Variants in KAZN observed in about 807,000 individuals in gnomAD.
KAZN encodes the protein kazrin.
A neutral mutation model predicts 87.4 loss-of-function variants in KAZN; 40 were observed. That is an observed-to-expected ratio of 0.46 (90% CI 0.36 to 0.60). The LOEUF (loss-of-function observed/expected upper bound fraction) is 0.60. KAZN is among the 20% of genes least tolerant of loss of function. The pLI is 0.00. For synonymous variants in KAZN, 466 were observed against 458.3 expected, an observed-to-expected ratio of 1.02 and a Z score of -0.22; for missense variants, 898 against 1,073.9, an observed-to-expected ratio of 0.84 and a Z score of 2.29.
At chr1:14,908,336 T>G (rs1160234556) in intron 1 of KAZN, among the ~76,000 whole-genome samples, 1 of 148,294 alleles carries the variant, frequency 6.7e-6, no homozygotes, top group Non-Finnish European at 1.5e-5. Flanking sequence ...AGGTCAGGAG[T>G]TCAAGATGAG....
chr1:15,112,519 G>A lies in KAZN; in HGVS notation c.2141G>A (p.Gly714Asp). 6.2e-7 allele frequency: 1 copy of A among 1,607,244 alleles called. No individual in the cohort carries two copies. Among genetic ancestry groups the A allele is most frequent in the South Asian group, 1.1e-5 (1 of 89,090 alleles). Residue 714 changes from glycine (G) to aspartate (D), a missense_variant, in exon 14 of 15, where the codon GGT becomes GAT. Coordinates refer to ENST00000376030, the MANE Select transcript of KAZN (RefSeq NM_201628.3). ...TRAGKEENSS[G>D]LKYKAGRLPL... ...GCAGGAAAGGAGGAGAACAGCAGCG[G>A]TCTCAAGTACAAGGCTGGCCGGGTA...
chr1:14,236,780 C>T (rs1243514956), intron 2 of KAZN, among the ~76,000 whole-genome samples: 2 of 152,006 alleles, frequency 1.3e-5, no homozygotes, highest in East Asian at 1.9e-4. Flanking sequence ...ACAAAAGAGC[C>T]GGGTGTGGTG....
At chr1:13,919,057 A>G (rs777732933) in intron 1 of KAZN, among the ~76,000 whole-genome samples, 3 of 152,216 alleles carry the variant, frequency 2.0e-5, no homozygotes, top group Admixed American at 1.3e-4. Context: ...GGACCATAAA[A>G]CTTTGAAAAT....
At chr1:14,993,313 C>G (rs1031960726) in intron 2 of KAZN, among the ~76,000 whole-genome samples, 3 of 151,646 alleles carry the variant, frequency 2.0e-5, no homozygotes, top group East Asian at 4.0e-4. Context: ...ACCAAAAATA[C>G]AAAAAATTAG....
intron 2 of KAZN, among the ~76,000 whole-genome samples, chr1:14,547,491 A>G (rs1673229094): frequency 6.6e-6 from 1 of 152,212 alleles, no homozygotes; most frequent in African/African-American, 2.4e-5. Flanking sequence ...AAACTCCTTT[A>G]GACTGGAAAT....
chr1:15,072,347 AG>A (rs1213856518), intron 8 of KAZN, among the ~76,000 whole-genome samples: 3 of 152,240 alleles, frequency 2.0e-5, no homozygotes, highest in African/African-American at 7.2e-5. Context: ...TCCATCTGCC[AG>A]GGTCTGTGAA....
At chr1:14,852,100 G>A (rs928452348) in intron 1 of KAZN, among the ~76,000 whole-genome samples, 2 of 152,180 alleles carry the variant, frequency 1.3e-5, no homozygotes, top group East Asian at 1.9e-4. Context: ...GGAGGCAAAC[G>A]TAAAGTCTGG....
intron 1 of KAZN, among the ~76,000 whole-genome samples, chr1:13,989,861 C>T (rs1454957527): frequency 6.6e-6 from 1 of 152,188 alleles, no homozygotes; most frequent in Non-Finnish European, 1.5e-5. Flanking sequence ...ACTTTGTGGT[C>T]ATCTTGTCTT....
chr1:14,961,480 G>A (rs1488832999), intron 2 of KAZN, among the ~76,000 whole-genome samples: 1 of 152,196 alleles, frequency 6.6e-6, no homozygotes, highest in Non-Finnish European at 1.5e-5. Flanking sequence ...TGGTTTCCCT[G>A]GAGGGACCCA....
chr1:14,832,744 G>T (rs1360119016), intron 1 of KAZN, among the ~76,000 whole-genome samples: 1 of 152,118 alleles, frequency 6.6e-6, no homozygotes, highest in African/African-American at 2.4e-5. Context: ...GACCAATCCC[G>T]CCACTTGATT....
At chr1:14,985,578 C>T (rs186498331) in intron 2 of KAZN, among the ~76,000 whole-genome samples, 1 of 151,866 alleles carries the variant, frequency 6.6e-6, no homozygotes, top group Non-Finnish European at 1.5e-5. Context: ...AATGAGAAGG[C>T]GTTACCAGTA....
intron 1 of KAZN, among the ~76,000 whole-genome samples, chr1:14,783,241 C>CA (rs1449113079): frequency 3.9e-5 from 6 of 152,060 alleles, no homozygotes; most frequent in Admixed American, 6.5e-5. Flanking sequence ...GAGATCAGAA[C>CA]ATTTAGTTTT....
chr1:14,541,148 G>C (rs1672786237), intron 2 of KAZN, among the ~76,000 whole-genome samples: 1 of 151,694 alleles, frequency 6.6e-6, no homozygotes, highest in Non-Finnish European at 1.5e-5. Context: ...CTACTTCCAA[G>C]AGTTCTTGAG....
intron 1 of KAZN, among the ~76,000 whole-genome samples, chr1:13,966,631 G>A (rs1395658598): frequency 6.6e-6 from 1 of 152,162 alleles, no homozygotes. Flanking sequence ...GTCTACCACA[G>A]TAGCCCCCTG....
intron 1 of KAZN, among the ~76,000 whole-genome samples, chr1:13,914,720 G>A (rs912567638): frequency 2.0e-5 from 3 of 152,218 alleles, no homozygotes; most frequent in Non-Finnish European, 4.4e-5. Context: ...GCTCACACCT[G>A]TAATCCCAGC....
Position 14,216,179 on chromosome 1 carries a change from TAGC to T in KAZN, c.249+35590_249+35592del, listed in dbSNP as rs1646953750. On this transcript the variant is annotated intron_variant, in intron 2 of 16. Coordinates refer to the KAZN transcript ENST00000636203. ...GGCCCACATTATATCAGCCATAATTTAGCAGGAGGAAGCTAAGGGGAGAAACAA... is the reference window on the plus strand; with the variant it reads ...GGCCCACATTATATCAGCCATAATTTAGGAGGAAGCTAAGGGGAGAAACAA... 3.9e-5 allele frequency among the ~76,000 whole-genome samples: 6 copies of T among 152,278 alleles called. No homozygotes were observed. In the South Asian group the frequency reaches 1.2e-3, roughly 32 times the overall value.
At chr1:14,922,313 G>A (rs1316720574) in intron 1 of KAZN, among the ~76,000 whole-genome samples, 1 of 152,128 alleles carries the variant, frequency 6.6e-6, no homozygotes, top group Non-Finnish European at 1.5e-5. Flanking sequence ...GGGCTGGCAA[G>A]GGCATTCCTA....
chr1:14,881,787 C>A (rs1049452738), intron 1 of KAZN, among the ~76,000 whole-genome samples: 3 of 152,238 alleles, frequency 2.0e-5, no homozygotes, highest in Middle Eastern at 3.2e-3. Context: ...CTTGTTTCTG[C>A]ATCCTTATAC....
intron 2 of KAZN, among the ~76,000 whole-genome samples, chr1:14,374,444 T>C (rs990042773): frequency 6.6e-6 from 1 of 152,208 alleles, no homozygotes; most frequent in Non-Finnish European, 1.5e-5. Context: ...CAGGCAAGGA[T>C]GAGGAGCTTC....
Sources: allele counts gnomAD v4.1 joint callset (sites outside exome capture counted in the v4.1 genomes callset), GRCh38; gene constraint gnomAD v4.1.1; transcripts MANE v1.5; gene names NCBI Gene and HGNC (gene_info 2026-07-23, HGNC 2026-07-21).